Variants in STARD5 observed in about 807,000 individuals in gnomAD.
The protein encoded by STARD5 is StAR related lipid transfer domain containing 5, also known as stAR-related lipid transfer protein 5.
Under a neutral mutation model 24.6 loss-of-function variants are expected in STARD5, and 26 were observed. That is an observed-to-expected ratio of 1.06 (90% CI 0.77 to 1.47). The LOEUF (loss-of-function observed/expected upper bound fraction) is 1.47. STARD5 is among the 40% of genes most tolerant of loss of function. The probability of loss-of-function intolerance (pLI) is 0.00; values close to 1 mark genes in which losing one functional copy is unlikely to be tolerated. For synonymous variants in STARD5, 101 were observed against 99.7 expected (o/e 1.01, Z -0.07); for missense variants, 254 against 270.8 (o/e 0.94, Z 0.44).
At chr15:81,321,686 T>C (rs958357345) in intron 3 of STARD5, among the ~76,000 whole-genome samples, 5 of 152,152 alleles carry the variant, frequency 3.3e-5, no homozygotes, top group African/African-American at 1.2e-4. Flanking sequence ...ATATTTATGA[T>C]GCAAGATGAT....
intron 3 of STARD5, 21 bp from the exon 4 acceptor site, chr15:81,319,477 G>T: frequency 1.9e-6 from 3 of 1,607,116 alleles, no homozygotes; most frequent in Middle Eastern, 1.7e-4. Flanking sequence ...AAAGAAGCAT[G>T]TAGCTGTGAC....
At chr15:81,318,639 T>C (rs1198813039) in intron 4 of STARD5, 137 bp from the exon 5 acceptor site, 9 of 700,272 alleles carry the variant, frequency 1.3e-5, no homozygotes, top group Admixed American at 2.4e-5. Context: ...TTGGCGTGAG[T>C]TCCCCCTACT....
At position 81,311,335 on chromosome 15, in the gene STARD5, G is replaced by A. The variant is rs917894968; in HGVS notation, c.*1921C>T. The A allele has an allele frequency of 1.3e-5, 2 of 152,192 alleles. No individual in the cohort carries two copies. The highest frequency in any genetic ancestry group is 4.1e-4 in the South Asian group (2 of 4,828). The allele number at this position is 152,192 out of a possible 1,614,324, so 9.4% of individuals were successfully genotyped here. On this transcript the variant is annotated 3_prime_UTR_variant, in exon 6 of 6. Transcript: ENST00000302824. ...CACTTGTGCCAACACTCAAGAAGCAGGCTACACTGACACTGGTATTCCTGC... is the reference window on the plus strand; with the variant it reads ...CACTTGTGCCAACACTCAAGAAGCAAGCTACACTGACACTGGTATTCCTGC...
At position 81,309,075 on chromosome 15, in the gene STARD5, GATTT is replaced by G. The variant is rs1900720730; in HGVS notation, c.*4177_*4180del. 3 of 349,114 alleles carry G rather than the reference GATTT, an allele frequency of 8.6e-6. No homozygotes were observed. The highest frequency in any genetic ancestry group is 1.8e-4 in the South Asian group (2 of 10,852). 21.6% of individuals were successfully genotyped at this position (349,114 alleles called of 1,614,324 possible). A position where few individuals can be genotyped will look rare whatever the true frequency, so the allele number is the denominator to read the frequency against. ...ATATTGTGGTGCCACAAATAAAATGGATTTATTAGAATTTCATATGACATTCATG... is the reference window on the plus strand; with the variant it reads ...ATATTGTGGTGCCACAAATAAAATGGATTAGAATTTCATATGACATTCATG... On this transcript the variant is annotated 3_prime_UTR_variant, in exon 6 of 6. Transcript: ENST00000302824.
chr15:81,321,386 G>A (rs1251645628), intron 3 of STARD5, among the ~76,000 whole-genome samples: 1 of 151,966 alleles, frequency 6.6e-6, no homozygotes, highest in African/African-American at 2.4e-5. Context: ...TCGAGGTGGG[G>A]GGATCATGAG....
chr15:81,322,674 G>A (rs1422113681), intron 2 of STARD5, 134 bp from the exon 3 acceptor site: 4 of 1,432,226 alleles, frequency 2.8e-6, no homozygotes, highest in Non-Finnish European at 2.9e-6. Flanking sequence ...AGAAGGGGCT[G>A]AAAGTCACTA....
Position 81,313,419 on chromosome 15 carries a change from C to T in STARD5, c.495-16G>A. On this transcript the variant is annotated splice_polypyrimidine_tract_variant and intron_variant, in intron 5 of 5. Transcript: ENST00000302824. ...GGTGGGTTCCCTGTGAAGGCAACAG[C>T]AGAGCTGTGTTATGATCTGCAGCAG... The T allele has an allele frequency of 1.3e-6, 2 of 1,524,800 alleles. No homozygotes were observed. The highest frequency in any genetic ancestry group is 1.8e-6 in the Non-Finnish European group (2 of 1,132,970). The allele number at this position is 1,524,800 out of a possible 1,614,324, so 94.5% of individuals were successfully genotyped here. A position where few individuals can be genotyped will look rare whatever the true frequency, so the allele number is the denominator to read the frequency against.
chr15:81,313,333 C>T lies in STARD5; in HGVS notation c.565G>A (p.Val189Met). 1.3e-6 allele frequency: 2 copies of T among 1,578,414 alleles called. No homozygotes were observed. The highest frequency in any genetic ancestry group is 1.4e-5 in the African/African-American group (1 of 73,444). ...DLSGYLPQNV[V>M]DSFFPRSMTR... ...ATGCTGCGGGGGAAGAAGGAGTCCA[C>T]CACGTTCTGTGGGAGGTAACCGCTG... Residue 189 changes from valine to methionine, a missense_variant, in exon 6 of 6, where the codon GTG becomes ATG. Physicochemically the swap from Val to Met is conservative, Grantham distance 21. Transcript: ENST00000302824.
intron 5 of STARD5, 74 bp downstream of exon 5, chr15:81,318,335 T>G: frequency 1.5e-6 from 2 of 1,314,894 alleles, no homozygotes; most frequent in Non-Finnish European, 1.1e-6. Context: ...AAAGTGCCCC[T>G]TTTCACAGAA....
chr15:81,319,355 C>G lies in STARD5; in HGVS notation c.384G>C (p.Gly128=), dbSNP rs1195009565. 2.5e-6 allele frequency: 4 copies of G among 1,613,962 alleles called. No homozygotes were observed. The South Asian group carries it at 4.4e-5, about 18-fold the overall frequency. Residue 128 remains glycine (G), a synonymous_variant, in exon 4 of 6, where the codon GGG becomes GGC. Coordinates refer to ENST00000302824, the MANE Select transcript of STARD5 (RefSeq NM_181900.3). Reference sequence around the variant, plus strand: ...ATCACTCACCGTTGGAACTGATGGTCCCATCCTCATATCTCTTGACTAGCA... The same window carrying G: ...ATCACTCACCGTTGGAACTGATGGTGCCATCCTCATATCTCTTGACTAGCA... The part of the protein sequence containing the change: ...DLVLVKRYED[G]TISSNATHVE...
rs1271908756 is a variant in STARD5 at position 81,313,165 on chromosome 15, G to A, written c.*91C>T. 7 of 1,392,470 alleles carry A rather than the reference G, an allele frequency of 5.0e-6. No individual in the cohort carries two copies. The highest frequency in any genetic ancestry group is 6.7e-6 in the Non-Finnish European group (7 of 1,049,542). The allele number at this position is 1,392,470 out of a possible 1,614,324, so 86.3% of individuals were successfully genotyped here. A position where few individuals can be genotyped will look rare whatever the true frequency, so the allele number is the denominator to read the frequency against. ...AGCTTGTTCCAAAGAGTGAACACAGGCCTCTGCGTGCTCCCAGGCTCCTTG... is the reference window on the plus strand; with the variant it reads ...AGCTTGTTCCAAAGAGTGAACACAGACCTCTGCGTGCTCCCAGGCTCCTTG... On this transcript the variant is annotated 3_prime_UTR_variant, in exon 6 of 6. Transcript: ENST00000302824.
chr15:81,319,013 C>T (rs1234850164), intron 4 of STARD5, among the ~76,000 whole-genome samples: 1 of 151,914 alleles, frequency 6.6e-6, no homozygotes, highest in Non-Finnish European at 1.5e-5. Context: ...CTCAAGAAGA[C>T]ACGGCCATAG....
chr15:81,309,327 T>G lies in STARD5; in HGVS notation c.*3929A>C, dbSNP rs1351869553. ...CTGGCCGTTGATGTTGGCTGGGAAC[T>G]CACCTGGGGCTGCTGGCCTGAATGC... On this transcript the variant is annotated 3_prime_UTR_variant, in exon 6 of 6. Coordinates refer to ENST00000302824, the MANE Select transcript of STARD5 (RefSeq NM_181900.3). 1 of 152,832 alleles carries G rather than the reference T, an allele frequency of 6.5e-6. No individual in the cohort carries two copies. The highest frequency in any genetic ancestry group is 6.5e-5 in the Admixed American group (1 of 15,306). The allele number at this position is 152,832 out of a possible 1,614,324, so 9.5% of individuals were successfully genotyped here.
intron 5 of STARD5, among the ~76,000 whole-genome samples, chr15:81,317,548 A>T (rs1436718804): frequency 6.6e-6 from 1 of 152,172 alleles, no homozygotes; most frequent in Non-Finnish European, 1.5e-5. Flanking sequence ...TACATCTAAG[A>T]AAAGTCTTCA....
rs1458814449 is a variant in STARD5 at position 81,311,605 on chromosome 15, G to A, written c.*1651C>T. 1 of 152,240 alleles carries A rather than the reference G, an allele frequency of 6.6e-6. No individual in the cohort carries two copies. Among genetic ancestry groups the A allele is most frequent in the Non-Finnish European group, 1.5e-5 (1 of 68,086 alleles). The allele number at this position is 152,240 out of a possible 1,614,324, so 9.4% of individuals were successfully genotyped here. A position where few individuals can be genotyped will look rare whatever the true frequency, so the allele number is the denominator to read the frequency against. On this transcript the variant is annotated 3_prime_UTR_variant, in exon 6 of 6. Transcript: ENST00000302824. Reference sequence around the variant, plus strand: ...CACTTGGCTACACAGGGATGTACAAGGCGATCCCATCTTGATAAGACCACC... The same window carrying A: ...CACTTGGCTACACAGGGATGTACAAAGCGATCCCATCTTGATAAGACCACC...
chr15:81,318,451 C>G lies in STARD5; in HGVS notation c.452G>C (p.Gly151Ala). Residue 151 changes from glycine (G) to alanine (A), a missense_variant, in exon 5 of 6, where the codon GGA (glycine) becomes GCA (alanine). Coordinates refer to ENST00000302824, the MANE Select transcript of STARD5 (RefSeq NM_181900.3). ...GAAGCAACCACAAGGATGGTTAAAT[C>G]CTCTCACAAAACCTGGCTTCGGGGG... ...LCPPKPGFVR[G>A]FNHPCGCFCE... is the part of the protein sequence containing the mutation. 1 of 1,614,124 alleles carries G rather than the reference C, an allele frequency of 6.2e-7. No individual in the cohort carries two copies.
At chr15:81,321,106 G>A (rs978978647) in intron 3 of STARD5, among the ~76,000 whole-genome samples, 1 of 152,142 alleles carries the variant, frequency 6.6e-6, no homozygotes, top group Non-Finnish European at 1.5e-5. Context: ...CTCACCAGTA[G>A]CCTGTGCTTC....
rs1900750173 is a variant in STARD5, at chr15:81,309,629, G to A, written c.*3627C>T. On this transcript the variant is annotated 3_prime_UTR_variant, in exon 6 of 6. Coordinates refer to ENST00000302824, the MANE Select transcript of STARD5 (RefSeq NM_181900.3). ...TGCAAAATTGTTTTTGGTTGGATTGGAGAAGTAATCCTAGGGAAGGGTGGT... is the reference window on the plus strand; with the variant it reads ...TGCAAAATTGTTTTTGGTTGGATTGAAGAAGTAATCCTAGGGAAGGGTGGT... The A allele has an allele frequency of 6.6e-6, 1 of 152,228 alleles. No individual in the cohort carries two copies. The highest frequency in any genetic ancestry group is 2.4e-5 in the African/African-American group (1 of 41,450). The allele number at this position is 152,228 out of a possible 1,614,324, so 9.4% of individuals were successfully genotyped here.
intron 3 of STARD5, among the ~76,000 whole-genome samples, chr15:81,321,623 T>A (rs376551140): frequency 7.3e-6 from 1 of 137,014 alleles, no homozygotes; most frequent in Non-Finnish European, 1.6e-5. Flanking sequence ...AAAAAAAAAA[T>A]TAGTCTCATG....
Sources: gnomAD v4.1 joint callset for allele counts (sites outside exome capture counted in the v4.1 genomes callset) on GRCh38, gnomAD v4.1.1 for gene constraint, MANE v1.5 for transcripts, NCBI Gene and HGNC (gene_info 2026-07-23, HGNC 2026-07-21) for gene names.